The following DLGAP1 variants were observed in gnomAD, a reference collection of about 807,000 sequenced individuals.
DLGAP1 encodes DLG associated protein 1.
A neutral mutation model predicts 90.8 loss-of-function variants in DLGAP1; 11 were observed. The ratio of observed to expected loss-of-function variants is 0.12; its 90% CI spans 0.08 to 0.20. The LOEUF (loss-of-function observed/expected upper bound fraction) is 0.20. Among genes scored for constraint, DLGAP1 ranks in the 10% least tolerant of loss-of-function variants. The pLI is 1.00. For missense variants in DLGAP1, 1,050 were observed against 1,333.8 expected, an observed-to-expected ratio of 0.79 and a Z score of 3.31; for synonymous variants, 558 against 540.7, an observed-to-expected ratio of 1.03 and a Z score of -0.44.
intron 2 of DLGAP1, among the ~76,000 whole-genome samples, chr18:4,019,981 G>C (rs1033833567): frequency 2.6e-5 from 4 of 152,218 alleles, no homozygotes; most frequent in African/African-American, 9.6e-5. Context: ...TGATCTGGAA[G>C]GGTGGGACAA....
intron 3 of DLGAP1, among the ~76,000 whole-genome samples, chr18:3,897,296 T>G (rs2071649861): frequency 6.6e-6 from 1 of 152,210 alleles, no homozygotes. Context: ...TACCAAGACC[T>G]GTAGATACAA....
intron 2 of DLGAP1, among the ~76,000 whole-genome samples, chr18:4,029,048 T>C (rs1302867756): frequency 5.3e-5 from 8 of 152,220 alleles, no homozygotes; most frequent in African/African-American, 1.7e-4. Flanking sequence ...ACCACTCTTT[T>C]ACTCTCTGCT....
intron 1 of DLGAP1, among the ~76,000 whole-genome samples, chr18:4,200,301 A>C (rs1240602636): frequency 2.0e-5 from 3 of 151,990 alleles, no homozygotes; most frequent in African/African-American, 7.2e-5. Context: ...AATTTCAGTT[A>C]TTCACATAGA....
intron 1 of DLGAP1, among the ~76,000 whole-genome samples, chr18:4,314,028 T>C (rs186006679): frequency 5.9e-5 from 9 of 152,240 alleles, no homozygotes; most frequent in Admixed American, 3.3e-4. Context: ...ACTGCAAATA[T>C]TGAAGCCCCA....
chr18:3,522,812 G>A (rs1240732642), intron 10 of DLGAP1, among the ~76,000 whole-genome samples: 2 of 151,936 alleles, frequency 1.3e-5, no homozygotes, highest in Admixed American at 6.6e-5. Flanking sequence ...CAAAGAGCTG[G>A]GATTATAGGT....
intron 7 of DLGAP1, among the ~76,000 whole-genome samples, chr18:3,664,183 TACACACACACACACACACACACAC>T (rs35653599): frequency 7.4e-6 from 1 of 135,662 alleles, no homozygotes; most frequent in Non-Finnish European, 1.6e-5. Flanking sequence ...TGGGTCAGTA[TACACACACACACACACACACACAC>T]ACACACACAC....
intron 1 of DLGAP1, among the ~76,000 whole-genome samples, chr18:4,259,981 A>C (rs1042153427): frequency 1.3e-5 from 2 of 152,188 alleles, no homozygotes; most frequent in African/African-American, 4.8e-5. Context: ...ACCTCCTTTG[A>C]AGATGAAAAC....
intron 1 of DLGAP1, among the ~76,000 whole-genome samples, chr18:4,200,130 G>A (rs923620337): frequency 2.0e-5 from 3 of 151,896 alleles, no homozygotes; most frequent in Admixed American, 6.6e-5. Context: ...TTCAGTATTC[G>A]TATGTTTGTA....
chr18:3,670,278 T>C (rs1226669069), intron 7 of DLGAP1, among the ~76,000 whole-genome samples: 2 of 151,936 alleles, frequency 1.3e-5, no homozygotes, highest in Non-Finnish European at 2.9e-5. Context: ...CTAACAATCA[T>C]GCAAAATTAT....
intron 5 of DLGAP1, among the ~76,000 whole-genome samples, chr18:3,761,576 T>C (rs2063965030): frequency 6.6e-6 from 1 of 151,180 alleles, no homozygotes; most frequent in Non-Finnish European, 1.5e-5. Flanking sequence ...CTTTCTTTCT[T>C]TCTTTTTTTT....
intron 8 of DLGAP1, among the ~76,000 whole-genome samples, chr18:3,579,894 C>A (rs987054469): frequency 6.6e-6 from 1 of 152,140 alleles, no homozygotes; most frequent in Admixed American, 6.5e-5. Flanking sequence ...TGGTCTTGCT[C>A]GCCTTCACTC....
intron 1 of DLGAP1, among the ~76,000 whole-genome samples, chr18:4,235,787 A>ATG (rs1568464653): frequency 4.0e-5 from 5 of 124,410 alleles, no homozygotes; most frequent in Admixed American, 1.1e-4. Context: ...GTGCAGTGGC[A>ATG]TGATCTTGGC....
rs1182966690 is a variant in DLGAP1 at position 3,809,324 on chromosome 18, A to G, written c.1172+4735T>C. Reference sequence around the variant, plus strand: ...CGAGGAGGTTCAGAGACATTAATCAATTTGCCAAAAGGCACACAGCTACTT... The same window carrying G: ...CGAGGAGGTTCAGAGACATTAATCAGTTTGCCAAAAGGCACACAGCTACTT... On this transcript the variant is annotated intron_variant, in intron 5 of 12. Transcript: ENST00000315677. Among the ~76,000 whole-genome samples the G allele has an allele frequency of 2.0e-5, 3 of 152,194 alleles. No homozygotes were observed. In the East Asian group the frequency reaches 5.8e-4, roughly 29 times the overall value.
intron 7 of DLGAP1, among the ~76,000 whole-genome samples, chr18:3,616,463 G>A (rs1468332942): frequency 1.3e-5 from 2 of 152,018 alleles, no homozygotes; most frequent in East Asian, 1.9e-4. Flanking sequence ...AAGAGGTAGA[G>A]TCTAGGCCAG....
At chr18:4,376,041 T>C (rs1482155218) in intron 1 of DLGAP1, among the ~76,000 whole-genome samples, 1 of 152,172 alleles carries the variant, frequency 6.6e-6, no homozygotes, top group African/African-American at 2.4e-5. Flanking sequence ...CTATAGATTA[T>C]ACAAGGAGAA....
intron 10 of DLGAP1, among the ~76,000 whole-genome samples, chr18:3,514,558 G>A (rs1300973518): frequency 6.6e-6 from 1 of 152,064 alleles, no homozygotes; most frequent in Non-Finnish European, 1.5e-5. Flanking sequence ...CTTTCTCTCT[G>A]GGCAATACAG....
chr18:4,017,988 G>A (rs2074550175), intron 2 of DLGAP1, among the ~76,000 whole-genome samples: 1 of 152,112 alleles, frequency 6.6e-6, no homozygotes, highest in South Asian at 2.1e-4. Context: ...CTCTCTTTAA[G>A]TATAATCTGG....
At chr18:3,822,315 A>G (rs1598884663) in intron 4 of DLGAP1, among the ~76,000 whole-genome samples, 1 of 152,226 alleles carries the variant, frequency 6.6e-6, no homozygotes, top group Non-Finnish European at 1.5e-5. Context: ...CATTGTAAAC[A>G]GTGATACATA....
At chr18:3,580,215 G>T in intron 8 of DLGAP1, 1 of 1,587,172 alleles carries the variant, frequency 6.3e-7, no homozygotes. Context: ...CCTCCGGGTG[G>T]ACATTCCCCT....
Sources: allele counts gnomAD v4.1 joint callset (sites outside exome capture counted in the v4.1 genomes callset), GRCh38; gene constraint gnomAD v4.1.1; transcripts MANE v1.5; gene names NCBI Gene and HGNC (gene_info 2026-07-23, HGNC 2026-07-21).